The following AHCY variants were observed in gnomAD, a reference collection of about 807,000 sequenced individuals.
The protein encoded by AHCY is adenosylhomocysteinase, also known as S-adenosyl-L-homocysteine hydrolase.
A neutral mutation model predicts 45.4 loss-of-function variants in AHCY; 24 were observed. The ratio of observed to expected loss-of-function variants is 0.53; its 90% CI spans 0.38 to 0.74. The LOEUF (loss-of-function observed/expected upper bound fraction) is 0.74, where lower values mean the gene tolerates loss of function less well. Among genes scored for constraint, AHCY ranks in the 30% least tolerant of loss-of-function variants. The pLI, the probability that AHCY is intolerant of heterozygous loss-of-function variation, is 0.00. For missense variants in AHCY, 449 were observed against 594.1 expected (o/e 0.76, Z 2.54); for synonymous variants, 245 against 235.1 (o/e 1.04, Z -0.39).
rs200322249 is a variant in AHCY, at chr20:34,290,771, G to C, written c.726C>G (p.Thr242=). The C allele has an allele frequency of 1.2e-6, 2 of 1,613,868 alleles. No homozygotes were observed. Among genetic ancestry groups the C allele is most frequent in the Non-Finnish European group, 8.5e-7 (1 of 1,180,034 alleles). ...GCAGTGCGTTGATGGGGTCAATCTC[G>C]GTGATGATGACGCGGGCTCCGAAAC... The part of the protein sequence containing the change: ...LRGFGARVII[T]EIDPINALQA... Residue 242 remains threonine (T), a synonymous_variant, in exon 6 of 10, where the codon ACC becomes ACG. Transcript: ENST00000217426. This position sits in a 1 kb window ranked among gnomAD's most constrained non-coding sequence, Gnocchi z 4.5.
chr20:34,260,636 CCTT>C, the AHCY span: 1 of 1,286,208 alleles, frequency 7.8e-7, no homozygotes, highest in Non-Finnish European at 1.1e-6. Context: ...GGTCACGGCT[CCTT>C]CTTGCTCGTT....
the AHCY span, among the ~76,000 whole-genome samples, chr20:34,235,835 AAGAAAGAAG>A: frequency 5.9e-5 from 4 of 67,678 alleles, no homozygotes; most frequent in Non-Finnish European, 7.1e-5. Context: ...GAAAGAAAGA[AAGAAAGAAG>A]GAAGGAAGGA....
chr20:34,292,443 G>A lies in AHCY; in HGVS notation c.360C>T (p.Phe120=), dbSNP rs1304122386. Residue 120 remains phenylalanine (F), a synonymous_variant, in exon 4 of 10, where the codon TTC becomes TTT. Coordinates refer to ENST00000217426, the MANE Select transcript of AHCY (RefSeq NM_000687.4). ...GAATCATGTTGAGGGGCCCGTCCTT[G>A]AAGTACAGGGTCTGCTCAATGCACC... ...YLWCIEQTLY[F]KDGPLNMILD... The A allele has an allele frequency of 2.5e-6, 4 of 1,614,094 alleles. No homozygotes were observed. The highest frequency in any genetic ancestry group is 3.4e-6 in the Non-Finnish European group (4 of 1,180,036).
At chr20:34,271,765 A>C in the AHCY span, among the ~76,000 whole-genome samples, 3 of 151,970 alleles carry the variant, frequency 2.0e-5, no homozygotes, top group Non-Finnish European at 2.9e-5. Context: ...GGGTTTCACC[A>C]TGTTGGCCAG....
upstream of AHCY, among the ~76,000 whole-genome samples, chr20:34,308,103 T>C (rs1052397501): frequency 6.6e-6 from 1 of 152,250 alleles, no homozygotes; most frequent in African/African-American, 2.4e-5. Flanking sequence ...TCCAGTTGCA[T>C]CTATGTTCCT....
chr20:34,266,993 C>A, the AHCY span, among the ~76,000 whole-genome samples: 1 of 152,174 alleles, frequency 6.6e-6, no homozygotes, highest in South Asian at 2.1e-4. Context: ...GAGGTAGGAT[C>A]TGGCACTGTG....
intron 8 of AHCY, among the ~76,000 whole-genome samples, chr20:34,289,991 A>G (rs775422442): frequency 5.3e-5 from 8 of 152,022 alleles, no homozygotes; most frequent in Non-Finnish European, 7.4e-5. Context: ...AGCACTCCCT[A>G]AGCTGAGGCT....
chr20:34,287,404 T>C (rs1364092951), intron 8 of AHCY, among the ~76,000 whole-genome samples: 12 of 149,070 alleles, frequency 8.0e-5, no homozygotes, highest in Non-Finnish European at 1.6e-4. Flanking sequence ...TTTTTTTTTT[T>C]TTCTGAGACG....
At chr20:34,300,345 G>A (rs1175638642) in intron 1 of AHCY, among the ~76,000 whole-genome samples, 1 of 152,134 alleles carries the variant, frequency 6.6e-6, no homozygotes, top group African/African-American at 2.4e-5. Context: ...TTCTACTAAA[G>A]TAAACAAAAC....
chr20:34,284,919 T>C (rs1436532366), intron 9 of AHCY, among the ~76,000 whole-genome samples: 1 of 152,206 alleles, frequency 6.6e-6, no homozygotes, highest in African/African-American at 2.4e-5. Flanking sequence ...CCTGAAAGGT[T>C]AGAAGCCCTG....
the AHCY span, among the ~76,000 whole-genome samples, chr20:34,244,054 G>C: frequency 6.6e-6 from 1 of 152,150 alleles, no homozygotes; most frequent in Non-Finnish European, 1.5e-5. Flanking sequence ...GACAGAGTGA[G>C]ACTCCATCTC....
At chr20:34,260,622 C>T in the AHCY span, 4 of 1,372,220 alleles carry the variant, frequency 2.9e-6, no homozygotes, top group Non-Finnish European at 4.0e-6. Flanking sequence ...GGATCCACCG[C>T]CATGGTCACG....
rs370463829 is a variant in AHCY, at chr20:34,290,823, C to T, written c.674G>A (p.Gly225Asp). 1 of 1,614,050 alleles carries T rather than the reference C, an allele frequency of 6.2e-7. No homozygotes were observed. The highest frequency in any genetic ancestry group is 8.5e-7 in the Non-Finnish European group (1 of 1,180,018). ...VAVVAGYGDV[G>D]KGCAQALRGF... The stretch of plus-strand genomic sequence containing the variant: ...CCGCAGGGCCTGGGCACAGCCCTTG[C>T]CCACATCACCATAGCCTGCTACCAC... Residue 225 changes from glycine (G) to aspartate (D), a missense_variant, in exon 6 of 10, where the codon GGC becomes GAC. By Grantham distance (94) the Gly-to-Asp change is moderately conservative. Transcript: ENST00000217426. The surrounding 1 kb of genome is among the most constrained non-coding windows in gnomAD (Gnocchi z 4.5).
At chr20:34,270,084 G>A in the AHCY span, among the ~76,000 whole-genome samples, 4 of 150,296 alleles carry the variant, frequency 2.7e-5, no homozygotes, top group African/African-American at 9.8e-5. Flanking sequence ...CCACCGGTCT[G>A]TACAAAAAGT....
intron 8 of AHCY, among the ~76,000 whole-genome samples, chr20:34,288,042 A>G (rs1372323238): frequency 6.6e-6 from 1 of 152,194 alleles, no homozygotes; most frequent in Non-Finnish European, 1.5e-5. Context: ...TGTGGCTGCC[A>G]CAGAAGCACG....
At position 34,299,910 on chromosome 20, in the gene AHCY, G is replaced by A. The variant is rs182550798; in HGVS notation, c.28+3333C>T. ...TAAACTGTCACTTCTCAGGCTGGGC[G>A]CGGTGGCTCACAGCCTGTAATCCCA... On this transcript the variant is annotated intron_variant, in intron 1 of 9. Coordinates refer to ENST00000217426, the MANE Select transcript of AHCY (RefSeq NM_000687.4). Among the ~76,000 whole-genome samples, 50 of 152,262 alleles carry A rather than the reference G, an allele frequency of 3.3e-4. No individual in the cohort carries two copies. In the East Asian group the frequency reaches 8.1e-3, roughly 25 times the overall value.
chr20:34,250,249 CCAGGG>C, the AHCY span: 1 of 152,276 alleles, frequency 6.6e-6, no homozygotes, highest in Non-Finnish European at 1.5e-5. Context: ...CTAGCAAAGC[CCAGGG>C]CAGGCTGTCA....
the AHCY span, among the ~76,000 whole-genome samples, chr20:34,236,611 G>T: frequency 6.6e-6 from 1 of 152,144 alleles, no homozygotes; most frequent in East Asian, 1.9e-4. Flanking sequence ...ACCACTTTGG[G>T]AGTCTGGGGT....
intron 8 of AHCY, chr20:34,286,178 C>G (rs1304942315): frequency 5.6e-6 from 1 of 179,892 alleles, no homozygotes; most frequent in East Asian, 1.5e-4. Context: ...GAGAACTTCA[C>G]GTGCTCACAC....
Sources: allele counts gnomAD v4.1 joint callset (sites outside exome capture counted in the v4.1 genomes callset), GRCh38; gene constraint gnomAD v4.1.1; non-coding constraint Gnocchi (gnomAD v3.1); transcripts MANE v1.5; gene names NCBI Gene and HGNC (gene_info 2026-07-23, HGNC 2026-07-21).